The following GET1 variants were observed in gnomAD, a reference collection of about 807,000 sequenced individuals.
GET1 encodes guided entry of tail-anchored proteins factor 1.
A neutral mutation model predicts 22.6 loss-of-function variants in GET1; 20 were observed. The observed-to-expected ratio is 0.89, with a 90% CI of 0.62 to 1.29. The LOEUF is 1.29. GET1 is among the 50% of genes most tolerant of loss of function. GET1 has a pLI of 0.00. For synonymous variants in GET1, 92 were observed against 83.8 expected, an observed-to-expected ratio of 1.10 and a Z score of -0.53; for missense variants, 209 against 219.9, an observed-to-expected ratio of 0.95 and a Z score of 0.31.
In GET1 at chr21:39,416,936, C is replaced by T. The variant is rs946900852; in HGVS notation, c.*23+5999C>T. Among the ~76,000 whole-genome samples, 22 of 152,198 alleles carry T rather than the reference C, an allele frequency of 1.4e-4. 1 individual carries two copies. Among genetic ancestry groups the T allele is most frequent in the East Asian group, 7.7e-4 (4 of 5,200 alleles). On this transcript the variant is annotated intron_variant, in intron 1 of 1. Coordinates refer to the GET1 transcript ENST00000478273. ...TGTGCCACCAATAGGATACAGTCAG[C>T]GTTCCCTGTCTGCAGGTTCTGCATC...
downstream of GET1, chr21:39,406,833 T>C: frequency 4.4e-6 from 2 of 454,270 alleles, no homozygotes; most frequent in Non-Finnish European, 7.7e-6. Flanking sequence ...ATGGGAATTA[T>C]GAAACCAAAA....
rs184105746 is a variant in GET1 at position 39,423,338 on chromosome 21, C to G, written c.*24-4894C>G. The G allele has an allele frequency of 4.3e-6, 7 of 1,612,978 alleles. No individual in the cohort carries two copies. The highest frequency in any genetic ancestry group is 5.9e-6 in the Non-Finnish European group (7 of 1,179,876). On this transcript the variant is annotated intron_variant, in intron 1 of 1. Coordinates refer to the GET1 transcript ENST00000478273. ...GCTTCCAATTTATGATGCATATCAG[C>G]TAATTCATTTTTTAGTCCTTTAATT...
At chr21:39,389,016 ACAC>A (rs761744245) in intron 1 of GET1, among the ~76,000 whole-genome samples, 17 of 152,158 alleles carry the variant, frequency 1.1e-4, no homozygotes, top group Non-Finnish European at 1.5e-4. Flanking sequence ...ATTGAAGCCA[ACAC>A]CACAAGATTC....
intron 1 of GET1, among the ~76,000 whole-genome samples, chr21:39,415,640 AT>A (rs2040999419): frequency 2.6e-5 from 4 of 152,278 alleles, no homozygotes; most frequent in African/African-American, 9.6e-5. Flanking sequence ...TTTGTTTAAC[AT>A]TTTCCCCATT....
rs369596713 is a variant in GET1, at chr21:39,382,863, T to A, written c.102+2377T>A. Among the ~76,000 whole-genome samples, 6 of 152,354 alleles carry A rather than the reference T, an allele frequency of 3.9e-5. No individual in the cohort carries two copies. In the East Asian group the frequency reaches 1.2e-3, roughly 29 times the overall value. ...CCATAGCAGCCACACCATTCGACAT[T>A]CTCACCAGCAGTGCAGAAGGGTTCC... On this transcript the variant is annotated intron_variant, in intron 1 of 4. Transcript: ENST00000649170.
intron 1 of GET1, chr21:39,428,229 C>G: frequency 6.2e-7 from 1 of 1,603,582 alleles, no homozygotes; most frequent in East Asian, 2.2e-5. Flanking sequence ...TCTTTTACCA[C>G]AGGCTGCTTT....
chr21:39,395,647 A>G (rs2038594554), intron 4 of GET1, among the ~76,000 whole-genome samples: 1 of 152,194 alleles, frequency 6.6e-6, no homozygotes, highest in Non-Finnish European at 1.5e-5. Context: ...TACAGGTGTG[A>G]GCCACTGTGC....
At chr21:39,405,716 T>A in intron 4 of GET1, 1 of 467,760 alleles carries the variant, frequency 2.1e-6, no homozygotes, top group Non-Finnish European at 3.7e-6. Context: ...ATAAAATAGA[T>A]TTTTTACTAG....
At chr21:39,408,586 C>T (rs974059784), downstream of GET1, 1 of 152,338 alleles carries the variant, frequency 6.6e-6, no homozygotes, top group Non-Finnish European at 1.5e-5. Context: ...AAGTGTTGTA[C>T]TCTCTATCAA....
chr21:39,423,475 G>A (rs1390307478), intron 1 of GET1: 7 of 1,562,652 alleles, frequency 4.5e-6, no homozygotes, highest in African/African-American at 2.7e-5. Flanking sequence ...TTTTTCAACT[G>A]ATATTTCCTT....
chr21:39,428,169 T>C, intron 1 of GET1: 1 of 1,544,636 alleles, frequency 6.5e-7, no homozygotes, highest in Non-Finnish European at 8.8e-7. Flanking sequence ...TTTTACTCCT[T>C]ACCTTTAGAT....
At chr21:39,428,324 G>A in exon 2 of GET1, 1 of 1,613,404 alleles carries the variant, frequency 6.2e-7, no homozygotes, top group Admixed American at 1.7e-5. Context: ...ACTTCCACAG[G>A]AGCACTGAGA....
chr21:39,387,790 G>T, intron 1 of GET1: 2 of 985,774 alleles, frequency 2.0e-6, no homozygotes, highest in Non-Finnish European at 2.4e-6. Flanking sequence ...CAGGCGACTG[G>T]CGGGTCGCGG....
At chr21:39,399,702 A>G (rs553128302), downstream of GET1, among the ~76,000 whole-genome samples, 38 of 152,082 alleles carry the variant, frequency 2.5e-4, 1 homozygote, top group African/African-American at 3.9e-4. Flanking sequence ...CAGGCCCCCA[A>G]AGTTGGGATT....
At chr21:39,420,831 G>T in intron 1 of GET1, 1 of 1,612,646 alleles carries the variant, frequency 6.2e-7, no homozygotes, top group Non-Finnish European at 8.5e-7. Context: ...AACCTCAGTT[G>T]TTTTTCCAAG....
chr21:39,421,874 G>A (rs1002160437), intron 1 of GET1: 8 of 152,082 alleles, frequency 5.3e-5, no homozygotes, highest in African/African-American at 1.9e-4. Context: ...AGTGCTTTTT[G>A]TATCAAAGAA....
chr21:39,385,426 C>T (rs2146926208), intron 1 of GET1, among the ~76,000 whole-genome samples: 1 of 152,222 alleles, frequency 6.6e-6, no homozygotes, highest in South Asian at 2.1e-4. Flanking sequence ...GGGTGGGATG[C>T]CTGGTAAGGA....
chr21:39,392,333 C>G (rs1342593049), intron 3 of GET1, among the ~76,000 whole-genome samples: 2 of 152,164 alleles, frequency 1.3e-5, no homozygotes, highest in African/African-American at 4.8e-5. Context: ...GGGCTCTGCT[C>G]TGCCCCGAGA....
downstream of GET1, chr21:39,408,768 G>A (rs1053864336): frequency 1.3e-5 from 2 of 152,278 alleles, no homozygotes; most frequent in Non-Finnish European, 2.9e-5. Context: ...AGCTCTGCCA[G>A]ATGCCATGGA....
Sources: allele counts gnomAD v4.1 joint callset (sites outside exome capture counted in the v4.1 genomes callset), GRCh38; gene constraint gnomAD v4.1.1; transcripts MANE v1.5; gene names NCBI Gene and HGNC (gene_info 2026-07-23, HGNC 2026-07-21).